Variants in TXLNB observed in about 807,000 individuals in gnomAD.
The protein encoded by TXLNB is beta-taxilin.
Under a neutral mutation model 57.4 loss-of-function variants are expected in TXLNB, and 37 were observed. That is an observed-to-expected ratio of 0.64 (90% CI 0.50 to 0.85). TXLNB has a LOEUF of 0.85. TXLNB is among the 40% of genes least tolerant of loss of function. The pLI, the probability that TXLNB is intolerant of heterozygous loss-of-function variation, is 0.00. For synonymous variants in TXLNB, 302 were observed against 309.6 expected, an observed-to-expected ratio of 0.98 and a Z score of 0.26; for missense variants, 848 against 825.6, an observed-to-expected ratio of 1.03 and a Z score of -0.33.
intron 6 of TXLNB, among the ~76,000 whole-genome samples, chr6:139,257,904 G>T (rs1776386817): frequency 6.6e-6 from 1 of 152,150 alleles, no homozygotes; most frequent in African/African-American, 2.4e-5. Flanking sequence ...CTCCCAGGGT[G>T]CAATGAAGAT....
the TXLNB span, among the ~76,000 whole-genome samples, chr6:139,193,849 T>A: frequency 0.012 from 1,129 of 94,432 alleles, 11 homozygotes; most frequent in African/African-American, 0.019. Context: ...TATTTTTTTT[T>A]TTTTTTTTTT....
the TXLNB span, chr6:139,166,770 A>G: frequency 1.9e-6 from 3 of 1,613,800 alleles, no homozygotes; most frequent in Non-Finnish European, 2.5e-6. Context: ...TCCCAGGAGA[A>G]GGCAGTGGGT....
chr6:139,265,574 C>T (rs947200581), intron 4 of TXLNB, among the ~76,000 whole-genome samples: 5 of 152,146 alleles, frequency 3.3e-5, no homozygotes, highest in Admixed American at 2.6e-4. Context: ...AAGCTCCCAG[C>T]GCATGGATTT....
chr6:139,302,674 G>A, the TXLNB span, among the ~76,000 whole-genome samples: 11 of 150,994 alleles, frequency 7.3e-5, no homozygotes, highest in African/African-American at 1.7e-4. Context: ...GAATAGCTAC[G>A]AGGGAGGCTG....
chr6:139,294,051 A>G (rs1777349487), upstream of TXLNB, among the ~76,000 whole-genome samples: 1 of 152,206 alleles, frequency 6.6e-6, no homozygotes, highest in Non-Finnish European at 1.5e-5. Flanking sequence ...GAAGGATTAT[A>G]TTATTATTTG....
the TXLNB span, among the ~76,000 whole-genome samples, chr6:139,189,461 C>T: frequency 6.6e-6 from 1 of 152,114 alleles, no homozygotes; most frequent in East Asian, 1.9e-4. Flanking sequence ...AGAGCAAGTA[C>T]TTTGGCATTT....
At chr6:139,249,009 C>T (rs1164923707) in intron 7 of TXLNB, among the ~76,000 whole-genome samples, 1 of 152,208 alleles carries the variant, frequency 6.6e-6, no homozygotes, top group Non-Finnish European at 1.5e-5. Context: ...TTTATTACAT[C>T]AGTTTTCCAC....
the TXLNB span, chr6:139,169,956 A>G: frequency 0.71 from 108,564 of 152,136 alleles, 40,060 homozygotes; most frequent in African/African-American, 0.87. Flanking sequence ...AGCTCCCTAC[A>G]AACTCCCCGG....
the TXLNB span, among the ~76,000 whole-genome samples, chr6:139,318,863 T>G: frequency 2.6e-5 from 4 of 152,082 alleles, no homozygotes; most frequent in Admixed American, 6.6e-5. Context: ...AAATGATGAA[T>G]TCACAAATGG....
rs59647726 is a variant in TXLNB, at chr6:139,268,151, C to CAAA, written c.687+2302_687+2304dup. 3.3e-3 allele frequency among the ~76,000 whole-genome samples: 213 copies of CAAA among 64,098 alleles called. 3 individuals are homozygous for CAAA. The highest frequency in any genetic ancestry group is 6.7e-3 in the African/African-American group (135 of 20,262). The allele number at this position is 64,098 out of a possible 152,430, so 42.1% of individuals were successfully genotyped here. On this transcript the variant is annotated intron_variant, in intron 4 of 9. Coordinates refer to ENST00000358430, the MANE Select transcript of TXLNB (RefSeq NM_153235.4). ...GACGACAGAGCGAGACTCCATCTCA[C>CAAA]AAAAAAAAAAAAAAAAAAAAAGATT...
chr6:139,317,897 G>A, the TXLNB span, among the ~76,000 whole-genome samples: 1 of 152,066 alleles, frequency 6.6e-6, no homozygotes, highest in African/African-American at 2.4e-5. Context: ...GGGCAACATT[G>A]TGAGAATTTT....
chr6:139,271,233 C>T (rs1776754520), intron 3 of TXLNB: 1 of 152,540 alleles, frequency 6.6e-6, no homozygotes, highest in Non-Finnish European at 1.5e-5. Flanking sequence ...ACCAAAGCAT[C>T]AGAAATAGCT....
At chr6:139,266,482 T>G (rs1279860761) in intron 4 of TXLNB, among the ~76,000 whole-genome samples, 19 of 151,930 alleles carry the variant, frequency 1.3e-4, no homozygotes, top group Admixed American at 1.1e-3. Context: ...TAGAGCAGAA[T>G]GAAAATGAGA....
the TXLNB span, chr6:139,176,861 C>T: frequency 1.3e-6 from 1 of 772,148 alleles, no homozygotes; most frequent in Non-Finnish European, 2.3e-6. This position sits in a 1 kb window ranked among gnomAD's most constrained non-coding sequence, Gnocchi z 4.5. Flanking sequence ...GATCAGTTTC[C>T]CAGCATTTTG....
intron 2 of TXLNB, among the ~76,000 whole-genome samples, chr6:139,280,441 G>A (rs554199224): frequency 6.6e-6 from 1 of 152,154 alleles, no homozygotes; most frequent in East Asian, 1.9e-4. Context: ...GAGGTCGGGA[G>A]AACCAGCCTG....
chr6:139,227,062 C>T, the TXLNB span, among the ~76,000 whole-genome samples: 1 of 150,386 alleles, frequency 6.6e-6, no homozygotes, highest in South Asian at 2.1e-4. Context: ...ACAGTGAGAT[C>T]CCAGGTGTGG....
chr6:139,270,609 A>G lies in TXLNB; in HGVS notation c.534T>C (p.Thr178=), dbSNP rs1776736762. 1 of 1,614,118 alleles carries G rather than the reference A, an allele frequency of 6.2e-7. No homozygotes were observed. Among genetic ancestry groups the G allele is most frequent in the African/African-American group, 1.3e-5 (1 of 75,042 alleles). The change falls in exon 4 of 10, where the codon ACT becomes ACC. Residue 178 remains threonine, a synonymous_variant. Transcript: ENST00000358430. ...GGAGGAGCTTTAACTTCTTTTGCTC[A>G]GTACGATGTTCATCCAGCTGTACAC... The part of the protein sequence containing the change: ...KYAELLDEHR[T]EQKKLKLLQK...
chr6:139,180,644 C>G, the TXLNB span: 613 of 152,646 alleles, frequency 4.0e-3, 2 homozygotes, highest in Middle Eastern at 0.014. Flanking sequence ...GATTTCTTGT[C>G]AAGATGTCTT....
At chr6:139,166,663 G>T in the TXLNB span, 1 of 1,614,038 alleles carries the variant, frequency 6.2e-7, no homozygotes, top group East Asian at 2.2e-5. Context: ...CTCCTGGTGA[G>T]GCGGCGGAGG....
Sources: gnomAD v4.1 joint callset for allele counts (sites outside exome capture counted in the v4.1 genomes callset) on GRCh38, gnomAD v4.1.1 for gene constraint, Gnocchi (gnomAD v3.1) non-coding constraint, MANE v1.5 for transcripts, NCBI Gene and HGNC (gene_info 2026-07-23, HGNC 2026-07-21) for gene names.